Variants in CADM2 observed in about 807,000 individuals in gnomAD.
CADM2 encodes cell adhesion molecule 2.
CADM2 carries 12 observed loss-of-function variants against 49.8 expected under a neutral mutation model. That is an observed-to-expected ratio of 0.24 (90% CI 0.15 to 0.39). The LOEUF (loss-of-function observed/expected upper bound fraction) is 0.39, where lower values mean the gene tolerates loss of function less well. Ranked by LOEUF, CADM2 falls within the 10% of genes least tolerant of loss-of-function variation. CADM2 has a pLI of 1.00. For missense variants in CADM2, 378 were observed against 492.3 expected, an observed-to-expected ratio of 0.77 and a Z score of 2.20; for synonymous variants, 214 against 175.4, an observed-to-expected ratio of 1.22 and a Z score of -1.74.
chr3:85,623,457 G>A (rs2064033876), intron 1 of CADM2, among the ~76,000 whole-genome samples: 1 of 152,116 alleles, frequency 6.6e-6, no homozygotes, highest in African/African-American at 2.4e-5. Flanking sequence ...ATACTAGTTA[G>A]TTTTCTCTTT....
rs76484922 is a variant in CADM2 at position 85,146,376 on chromosome 3, T to C, written c.61+186708T>C. On this transcript the variant is annotated intron_variant, in intron 1 of 9. Coordinates refer to ENST00000383699, the MANE Select transcript of CADM2 (RefSeq NM_001167675.2). ...GCATCATCATTCCTTCTTAGATTTT[T>C]AATGAGGTCTCTTTTTTTTTATGCA... 4.7e-3 allele frequency among the ~76,000 whole-genome samples: 714 copies of C among 152,246 alleles called. 5 individuals are homozygous for C. The highest frequency in any genetic ancestry group is 0.017 in the African/African-American group (692 of 41,570).
At chr3:86,050,767 G>A (rs1342253441) in intron 8 of CADM2, among the ~76,000 whole-genome samples, 1 of 152,140 alleles carries the variant, frequency 6.6e-6, no homozygotes, top group Admixed American at 6.5e-5. Context: ...ACAATTAGAG[G>A]TGGAGTGGCT....
At chr3:85,086,778 G>T (rs2037395972) in intron 1 of CADM2, among the ~76,000 whole-genome samples, 1 of 151,970 alleles carries the variant, frequency 6.6e-6, no homozygotes, top group African/African-American at 2.4e-5. Flanking sequence ...CAAAGTGCTG[G>T]GATTACAGGT....
intron 3 of CADM2, among the ~76,000 whole-genome samples, chr3:85,809,749 TCCCTCCCTCCCTCC>T (rs1214741048): frequency 2.9e-5 from 2 of 68,912 alleles, no homozygotes; most frequent in Non-Finnish European, 4.9e-5. Flanking sequence ...CCCTCCTCTC[TCCCTCCCTCCCTCC>T]CTCTCTCTCT....
At chr3:86,055,481 G>GTTTTTTTTTTTTTTTT (rs1440467932) in intron 8 of CADM2, among the ~76,000 whole-genome samples, 3 of 121,044 alleles carry the variant, frequency 2.5e-5, no homozygotes, top group Non-Finnish European at 3.3e-5. Context: ...TTTTTTTTTG[G>GTTTTTTTTTTTTTTTT]TTTTAGAGGG....
chr3:85,642,553 G>C (rs1283402549), intron 1 of CADM2, among the ~76,000 whole-genome samples: 3 of 152,032 alleles, frequency 2.0e-5, no homozygotes, highest in Admixed American at 2.0e-4. Context: ...AAGAAATTTA[G>C]TTTAAGATTT....
At chr3:85,036,400 C>T (rs570169252) in intron 1 of CADM2, among the ~76,000 whole-genome samples, 8 of 151,902 alleles carry the variant, frequency 5.3e-5, no homozygotes, top group Admixed American at 2.6e-4. Flanking sequence ...AATAACTTAA[C>T]GACTTAAAAT....
chr3:85,838,050 T>C (rs2074480789), intron 3 of CADM2, among the ~76,000 whole-genome samples: 1 of 151,788 alleles, frequency 6.6e-6, no homozygotes, highest in South Asian at 2.1e-4. Context: ...TCAATGTTTG[T>C]TTGTTTTTGA....
At chr3:85,809,275 A>G (rs1410546520) in intron 3 of CADM2, among the ~76,000 whole-genome samples, 3 of 152,164 alleles carry the variant, frequency 2.0e-5, no homozygotes, top group Admixed American at 1.3e-4. Flanking sequence ...CTTGAGTAGT[A>G]AATGACAAAG....
chr3:86,023,986 C>G (rs976324359), intron 8 of CADM2, among the ~76,000 whole-genome samples: 1 of 152,198 alleles, frequency 6.6e-6, no homozygotes, highest in African/African-American at 2.4e-5. Context: ...TCCATGCTCC[C>G]ATTTCAATCA....
At chr3:85,628,547 A>G (rs1171633397) in intron 1 of CADM2, among the ~76,000 whole-genome samples, 3 of 148,844 alleles carry the variant, frequency 2.0e-5, no homozygotes, top group Non-Finnish European at 4.5e-5. Context: ...ATACACATAT[A>G]TATACACACA....
intron 7 of CADM2, among the ~76,000 whole-genome samples, chr3:85,941,690 C>G (rs1415973733): frequency 6.6e-6 from 1 of 151,898 alleles, no homozygotes; most frequent in Non-Finnish European, 1.5e-5. Context: ...TAGTTTGATG[C>G]GTGTGGGAAA....
intron 1 of CADM2, among the ~76,000 whole-genome samples, chr3:85,687,162 G>T (rs1052323669): frequency 6.6e-6 from 1 of 152,124 alleles, no homozygotes; most frequent in African/African-American, 2.4e-5. Flanking sequence ...AATTAAATAG[G>T]TCGTATGTCA....
intron 3 of CADM2, among the ~76,000 whole-genome samples, chr3:85,881,177 T>A (rs1266009447): frequency 6.6e-6 from 1 of 152,180 alleles, no homozygotes; most frequent in Non-Finnish European, 1.5e-5. Flanking sequence ...GTCATTTTCA[T>A]TGTACTATAG....
chr3:85,890,969 C>A (rs1002917547), intron 5 of CADM2, among the ~76,000 whole-genome samples: 1 of 152,034 alleles, frequency 6.6e-6, no homozygotes, highest in East Asian at 1.9e-4. Context: ...CATGAAAGAG[C>A]TTTTATTCCA....
At chr3:85,962,744 C>T (rs534606533) in intron 8 of CADM2, among the ~76,000 whole-genome samples, 1 of 151,938 alleles carries the variant, frequency 6.6e-6, no homozygotes, top group Admixed American at 6.6e-5. Flanking sequence ...GAGCCATTAG[C>T]CAATGTAAGA....
intron 1 of CADM2, among the ~76,000 whole-genome samples, chr3:85,142,527 A>G (rs2039608778): frequency 6.6e-6 from 1 of 152,196 alleles, no homozygotes; most frequent in Non-Finnish European, 1.5e-5. Context: ...CATTGCTTAC[A>G]ATATGTGTAT....
intron 1 of CADM2, among the ~76,000 whole-genome samples, chr3:85,411,221 G>T (rs1388774327): frequency 6.6e-6 from 1 of 152,150 alleles, no homozygotes; most frequent in Non-Finnish European, 1.5e-5. Flanking sequence ...GTTACTCTAG[G>T]GGTCTTATTA....
chr3:85,431,268 T>A (rs1418155596), intron 1 of CADM2, among the ~76,000 whole-genome samples: 1 of 152,112 alleles, frequency 6.6e-6, no homozygotes, highest in African/African-American at 2.4e-5. Context: ...ATCTCAGAAC[T>A]GCCTAACAAT....
Sources: gnomAD v4.1 joint callset for allele counts (sites outside exome capture counted in the v4.1 genomes callset) on GRCh38, gnomAD v4.1.1 for gene constraint, MANE v1.5 for transcripts, NCBI Gene and HGNC (gene_info 2026-07-23, HGNC 2026-07-21) for gene names.